CLIC5: variants seen among roughly 807,000 people sequenced by gnomAD.
CLIC5 encodes CLIC family member 5.
Under a neutral mutation model 24.7 loss-of-function variants are expected in CLIC5, and 20 were observed. The observed-to-expected ratio is 0.81, with a 90% CI of 0.57 to 1.18. The LOEUF (loss-of-function observed/expected upper bound fraction) is 1.18, where lower values mean the gene tolerates loss of function less well. CLIC5 is among the 50% of genes most tolerant of loss of function. The probability of loss-of-function intolerance (pLI) is 0.00; values close to 1 mark genes in which losing one functional copy is unlikely to be tolerated. For synonymous variants in CLIC5, 159 were observed against 135.6 expected (o/e 1.17, Z -1.20); for missense variants, 341 against 326.1 (o/e 1.05, Z -0.35).
the CLIC5 span, among the ~76,000 whole-genome samples, chr6:46,113,051 G>T: frequency 6.6e-6 from 1 of 152,074 alleles, no homozygotes; most frequent in African/African-American, 2.4e-5. Context: ...GCGAGAATCT[G>T]TCTCAAAAAA....
At chr6:45,966,617 G>A (rs1195740983) in intron 1 of CLIC5, among the ~76,000 whole-genome samples, 9 of 151,850 alleles carry the variant, frequency 5.9e-5, no homozygotes, top group Non-Finnish European at 8.8e-5. Flanking sequence ...ACCAACCACC[G>A]ACAGTAGCAC....
intron 1 of CLIC5, among the ~76,000 whole-genome samples, chr6:46,034,217 C>T (rs1050828821): frequency 7.9e-5 from 12 of 152,200 alleles, no homozygotes; most frequent in Non-Finnish European, 1.5e-4. Flanking sequence ...TCTCCCATCA[C>T]CATATATTCT....
rs9381423 is a variant in CLIC5, at chr6:46,079,532, T to C, written c.540+171A>G. On this transcript the variant is annotated intron_variant, in intron 1 of 5. Transcript: ENST00000185206. ...GCACCTTCCAATTCCTCTAATTTTG[T>C]GAAGAGCTGAGTACACTCTAATGAC... Among the ~76,000 whole-genome samples, 26,418 of 152,226 alleles carry C rather than the reference T, an allele frequency of 0.17. 2,573 individuals are homozygous for C. Among genetic ancestry groups the C allele is most frequent in the South Asian group, 0.33 (1,615 of 4,826 alleles).
At chr6:45,923,054 C>T (rs6911790) in intron 4 of CLIC5, among the ~76,000 whole-genome samples, 24 of 152,214 alleles carry the variant, frequency 1.6e-4, no homozygotes, top group East Asian at 5.8e-4. Flanking sequence ...AGAACATGTA[C>T]GTGTGTTTTC....
At chr6:45,959,678 G>A (rs1471157176) in intron 1 of CLIC5, among the ~76,000 whole-genome samples, 1 of 152,128 alleles carries the variant, frequency 6.6e-6, no homozygotes, top group Admixed American at 6.5e-5. Flanking sequence ...TAAGCATGGT[G>A]TGTCAGCCAG....
At chr6:45,913,703 T>C in intron 5 of CLIC5, 1 of 973,810 alleles carries the variant, frequency 1.0e-6, no homozygotes, top group Non-Finnish European at 1.3e-6. Context: ...AGTGCAATGA[T>C]AGCAAGAAAG....
chr6:45,991,361 G>A (rs1239130170), intron 1 of CLIC5, among the ~76,000 whole-genome samples: 3 of 152,128 alleles, frequency 2.0e-5, no homozygotes, highest in Non-Finnish European at 4.4e-5. Context: ...CAGCCTCTAG[G>A]GGCTGAGGGC....
At chr6:45,987,141 T>C (rs1765771648) in intron 1 of CLIC5, among the ~76,000 whole-genome samples, 1 of 152,166 alleles carries the variant, frequency 6.6e-6, no homozygotes, top group South Asian at 2.1e-4. Flanking sequence ...CCCCATTAAC[T>C]TAGTTGGTAT....
chr6:45,978,759 G>A (rs1765469307), intron 1 of CLIC5, among the ~76,000 whole-genome samples: 1 of 152,120 alleles, frequency 6.6e-6, no homozygotes. Flanking sequence ...GAGTCCAGCT[G>A]ACCCACATAG....
chr6:46,060,404 C>A (rs887727687), intron 1 of CLIC5, among the ~76,000 whole-genome samples: 8 of 151,800 alleles, frequency 5.3e-5, no homozygotes, highest in Non-Finnish European at 1.0e-4. Context: ...CAAGTAAAAA[C>A]AATCTCTGTG....
At chr6:46,079,683 C>T in intron 1 of CLIC5, 1 of 1,542,656 alleles carries the variant, frequency 6.5e-7, no homozygotes, top group Non-Finnish European at 8.8e-7. Flanking sequence ...CAGGGTATGC[C>T]TGTCAGAGGC....
intron 3 of CLIC5, among the ~76,000 whole-genome samples, chr6:45,945,750 C>G (rs532577352): frequency 6.6e-6 from 1 of 152,294 alleles, no homozygotes; most frequent in Non-Finnish European, 1.5e-5. Flanking sequence ...GAGGCTGTTT[C>G]TCTACCTCCC....
chr6:45,931,584 C>T (rs1561942749), intron 4 of CLIC5, among the ~76,000 whole-genome samples: 3 of 152,162 alleles, frequency 2.0e-5, no homozygotes, highest in Non-Finnish European at 4.4e-5. Context: ...CAATGTCTTA[C>T]AATCAAAATA....
intron 1 of CLIC5, among the ~76,000 whole-genome samples, chr6:45,960,629 C>G (rs1311048032): frequency 6.6e-6 from 1 of 152,222 alleles, no homozygotes; most frequent in African/African-American, 2.4e-5. Context: ...ACTCTTGACA[C>G]AGAAACCAAA....
At chr6:45,950,134 C>A (rs1442353450) in intron 2 of CLIC5, among the ~76,000 whole-genome samples, 1 of 152,198 alleles carries the variant, frequency 6.6e-6, no homozygotes, top group Non-Finnish European at 1.5e-5. Context: ...CAAGAACCTC[C>A]TACTGGTGAG....
chr6:46,056,474 A>G (rs1483890987), intron 1 of CLIC5, among the ~76,000 whole-genome samples: 1 of 152,056 alleles, frequency 6.6e-6, no homozygotes, highest in Non-Finnish European at 1.5e-5. Flanking sequence ...GTACCCTCAT[A>G]TGTGGTACAA....
At chr6:45,917,777 G>A (rs1763088456) in intron 4 of CLIC5, among the ~76,000 whole-genome samples, 1 of 152,150 alleles carries the variant, frequency 6.6e-6, no homozygotes, top group African/African-American at 2.4e-5. Flanking sequence ...GATCTCTTTT[G>A]ACTGATGGTA....
At chr6:46,106,707 T>C in the CLIC5 span, among the ~76,000 whole-genome samples, 1 of 152,244 alleles carries the variant, frequency 6.6e-6, no homozygotes, top group Non-Finnish European at 1.5e-5. Context: ...GATTTTATGT[T>C]ACCTTGGCAT....
intron 1 of CLIC5, among the ~76,000 whole-genome samples, chr6:46,046,627 T>C (rs1767961113): frequency 1.3e-5 from 2 of 152,250 alleles, no homozygotes; most frequent in South Asian, 4.1e-4. Flanking sequence ...ATGATGATTT[T>C]GATAAAGTCC....
Sources: allele counts gnomAD v4.1 joint callset (sites outside exome capture counted in the v4.1 genomes callset), GRCh38; gene constraint gnomAD v4.1.1; transcripts MANE v1.5; gene names NCBI Gene and HGNC (gene_info 2026-07-23, HGNC 2026-07-21).